The following SLC9A9 variants were observed in gnomAD, a reference collection of about 807,000 sequenced individuals.
SLC9A9 encodes solute carrier family 9 member A9.
A neutral mutation model predicts 77.8 loss-of-function variants in SLC9A9; 62 were observed. The observed-to-expected ratio is 0.80, with a 90% CI of 0.65 to 0.98. The LOEUF (loss-of-function observed/expected upper bound fraction) is 0.98. Among genes scored for constraint, SLC9A9 ranks in the 50% least tolerant of loss-of-function variants. The pLI is 0.00. For synonymous variants in SLC9A9, 320 were observed against 283.5 expected, an observed-to-expected ratio of 1.13 and a Z score of -1.29; for missense variants, 775 against 774.9, an observed-to-expected ratio of 1.00 and a Z score of 0.00.
intron 9 of SLC9A9, among the ~76,000 whole-genome samples, chr3:143,506,417 C>T (rs1436885929): frequency 2.0e-5 from 3 of 152,124 alleles, no homozygotes; most frequent in African/African-American, 7.2e-5. Flanking sequence ...TAAAATTTGG[C>T]TATTACTTTC....
chr3:143,374,149 G>C (rs2033120848), intron 13 of SLC9A9, among the ~76,000 whole-genome samples: 1 of 151,976 alleles, frequency 6.6e-6, no homozygotes, highest in Non-Finnish European at 1.5e-5. Context: ...CCAGAGGCCG[G>C]GTGTGGTGGC....
intron 4 of SLC9A9, among the ~76,000 whole-genome samples, chr3:143,773,881 G>A (rs2007609361): frequency 1.3e-5 from 2 of 152,184 alleles, no homozygotes; most frequent in South Asian, 4.1e-4. Context: ...TTTCCAGTGT[G>A]AGGTTCATTG....
At chr3:143,375,500 T>G (rs181198906) in intron 13 of SLC9A9, among the ~76,000 whole-genome samples, 1 of 152,332 alleles carries the variant, frequency 6.6e-6, no homozygotes, top group East Asian at 1.9e-4. Context: ...TCTTGCCCTC[T>G]GTCATGGCCA....
In SLC9A9 at chr3:143,585,540, C is replaced by A. The variant is rs532303466; in HGVS notation, c.756-6817G>T. On this transcript the variant is annotated intron_variant, in intron 6 of 15. Transcript: ENST00000316549. ...CTAAAATGTGTAAGAGCAAGCTATA[C>A]CCTGACCACTGTGGGCACATGTCAT... 7.2e-5 allele frequency among the ~76,000 whole-genome samples: 11 copies of A among 152,310 alleles called. No individual in the cohort carries two copies. The East Asian group carries it at 2.1e-3, about 29-fold the overall frequency.
chr3:143,387,996 G>A (rs1233586600), intron 12 of SLC9A9, among the ~76,000 whole-genome samples: 1 of 152,262 alleles, frequency 6.6e-6, no homozygotes, highest in East Asian at 1.9e-4. Context: ...TGAGCCCCCT[G>A]GTGACAGGGG....
intron 6 of SLC9A9, among the ~76,000 whole-genome samples, chr3:143,622,587 G>A (rs1268431468): frequency 6.6e-6 from 1 of 152,038 alleles, no homozygotes; most frequent in Non-Finnish European, 1.5e-5. Context: ...TCACCACCAG[G>A]CCTGCCCTAA....
chr3:143,490,283 T>C (rs1444003770), intron 11 of SLC9A9, among the ~76,000 whole-genome samples: 1 of 152,190 alleles, frequency 6.6e-6, no homozygotes, highest in Non-Finnish European at 1.5e-5. Context: ...TGTCCACTGA[T>C]AGATGAATAG....
intron 5 of SLC9A9, among the ~76,000 whole-genome samples, chr3:143,690,933 C>T (rs1227646008): frequency 6.6e-6 from 1 of 152,082 alleles, no homozygotes; most frequent in Non-Finnish European, 1.5e-5. Flanking sequence ...TAGTTTGTAA[C>T]CCCTAATAAA....
At chr3:143,668,477 A>T (rs966997443) in intron 5 of SLC9A9, among the ~76,000 whole-genome samples, 2 of 152,210 alleles carry the variant, frequency 1.3e-5, no homozygotes, top group Admixed American at 1.3e-4. Context: ...TTAAAGTATA[A>T]TAACAAAAAA....
chr3:143,633,867 C>T (rs1006278642), intron 6 of SLC9A9, among the ~76,000 whole-genome samples: 37 of 152,236 alleles, frequency 2.4e-4, no homozygotes, highest in East Asian at 2.3e-3. Context: ...TGTAATCCTT[C>T]TAGTTTCATT....
chr3:143,638,491 T>G (rs1275568282), intron 6 of SLC9A9, among the ~76,000 whole-genome samples: 3 of 152,256 alleles, frequency 2.0e-5, no homozygotes, highest in Non-Finnish European at 4.4e-5. Flanking sequence ...ACTCTTGCTG[T>G]GAATCCATGA....
chr3:143,517,672 C>A, intron 9 of SLC9A9: 1 of 1,597,526 alleles, frequency 6.3e-7, no homozygotes, highest in Non-Finnish European at 8.5e-7. Flanking sequence ...TCGCCCGCCA[C>A]TTGTAAGGCT....
chr3:143,716,406 A>G (rs1178235279), intron 4 of SLC9A9, among the ~76,000 whole-genome samples: 1 of 151,940 alleles, frequency 6.6e-6, no homozygotes, highest in Admixed American at 6.6e-5. Context: ...TTTTTAAGGA[A>G]AATCACATAC....
intron 14 of SLC9A9, among the ~76,000 whole-genome samples, chr3:143,358,735 C>G (rs1445822911): frequency 6.6e-6 from 1 of 152,178 alleles, no homozygotes; most frequent in Non-Finnish European, 1.5e-5. Context: ...GCATCAATTT[C>G]TTCTTCTTAC....
At chr3:143,446,226 A>AG (rs1009997208) in intron 12 of SLC9A9, among the ~76,000 whole-genome samples, 7 of 152,110 alleles carry the variant, frequency 4.6e-5, no homozygotes, top group Middle Eastern at 3.4e-3. Context: ...GGCAAGTAGA[A>AG]GGGGGGGCCC....
chr3:143,753,236 C>A (rs928416643), intron 4 of SLC9A9, among the ~76,000 whole-genome samples: 2 of 152,144 alleles, frequency 1.3e-5, no homozygotes, highest in Admixed American at 6.5e-5. Flanking sequence ...AGCTTTTCTG[C>A]CTCCTTGAAA....
intron 12 of SLC9A9, among the ~76,000 whole-genome samples, chr3:143,386,279 C>T (rs534841440): frequency 6.6e-6 from 1 of 152,328 alleles, no homozygotes; most frequent in South Asian, 2.1e-4. Context: ...TGTTTATACC[C>T]AGGCATGCAG....
At position 143,528,084 on chromosome 3, in the gene SLC9A9, C is replaced by G. The variant is rs151032085; in HGVS notation, c.1089+24278G>C. On this transcript the variant is annotated intron_variant, in intron 9 of 15. Transcript: ENST00000316549. ...TTTCCATGTCTTTTCCTCCAGGAAC[C>G]ACTTCCATAGGCAGGCTTTGCAGGA... Among the ~76,000 whole-genome samples the G allele has an allele frequency of 2.1e-3, 320 of 152,296 alleles. 2 individuals carry two copies. Among genetic ancestry groups the G allele is most frequent in the African/African-American group, 7.3e-3 (304 of 41,558 alleles).
At chr3:143,592,559 T>C (rs1576597157) in intron 6 of SLC9A9, among the ~76,000 whole-genome samples, 1 of 152,200 alleles carries the variant, frequency 6.6e-6, no homozygotes. Context: ...AGACTGGCTG[T>C]TCCTGATGCC....
Sources: gnomAD v4.1 joint callset for allele counts (sites outside exome capture counted in the v4.1 genomes callset) on GRCh38, gnomAD v4.1.1 for gene constraint, MANE v1.5 for transcripts, NCBI Gene and HGNC (gene_info 2026-07-23, HGNC 2026-07-21) for gene names.